The following PRDM2 variants were observed in gnomAD, a reference collection of about 807,000 sequenced individuals.
PRDM2 encodes PR domain zinc finger protein 2.
Under a neutral mutation model 130.0 loss-of-function variants are expected in PRDM2, and 30 were observed. That is an observed-to-expected ratio of 0.23 (90% confidence interval 0.17 to 0.31). The LOEUF is 0.31. Among genes scored for constraint, PRDM2 ranks in the 10% least tolerant of loss-of-function variants. The pLI is 1.00. For missense variants in PRDM2, 2,011 were observed against 2,108.4 expected, an observed-to-expected ratio of 0.95 and a Z score of 0.90; for synonymous variants, 871 against 782.4, an observed-to-expected ratio of 1.11 and a Z score of -1.89.
intron 6 of PRDM2, among the ~76,000 whole-genome samples, chr1:13,755,029 A>AAT (rs1420572416): frequency 6.6e-6 from 1 of 152,088 alleles, no homozygotes; most frequent in Non-Finnish European, 1.5e-5. Flanking sequence ...GTTGCCTGCC[A>AAT]GGATGAACTC....
chr1:13,736,369 G>A (rs944740913), intron 4 of PRDM2, among the ~76,000 whole-genome samples: 15 of 151,980 alleles, frequency 9.9e-5, no homozygotes, highest in Non-Finnish European at 1.9e-4. Context: ...CGATCTGCCC[G>A]TCTCAGCCTT....
chr1:13,823,468 T>A lies in PRDM2; in HGVS notation c.*333T>A, dbSNP rs1645386003. On this transcript the variant is annotated 3_prime_UTR_variant, in exon 10 of 10. Coordinates refer to ENST00000311066, the MANE Select transcript of PRDM2 (RefSeq NM_001393986.1). ...CCTGTTGGGGTGGGGCCTCTCCTAC[T>A]ATGCAATTTTTCAAGAGCTCCTTGA... 1 of 467,074 alleles carries A rather than the reference T, an allele frequency of 2.1e-6. No homozygotes were observed. The highest frequency in any genetic ancestry group is 3.8e-5 in the Admixed American group (1 of 26,072). 28.9% of individuals were successfully genotyped at this position (467,074 alleles called of 1,614,324 possible).
At chr1:13,760,373 G>T (rs1420109183) in intron 6 of PRDM2, among the ~76,000 whole-genome samples, 1 of 151,934 alleles carries the variant, frequency 6.6e-6, no homozygotes, top group East Asian at 1.9e-4. Context: ...TAGTGGGTGG[G>T]AATATACTGC....
intron 8 of PRDM2, chr1:13,786,398 A>G: frequency 1.4e-6 from 2 of 1,388,280 alleles, no homozygotes; most frequent in Non-Finnish European, 2.0e-6. Context: ...TCAGTCATGT[A>G]TGTGTTGTCG....
At chr1:13,762,125 C>T (rs537682621) in intron 6 of PRDM2, among the ~76,000 whole-genome samples, 185 of 152,330 alleles carry the variant, frequency 1.2e-3, no homozygotes, top group Non-Finnish European at 1.6e-3. Context: ...GAGTCTGTGC[C>T]AGGCACTGTG....
intron 8 of PRDM2, among the ~76,000 whole-genome samples, chr1:13,814,360 G>A (rs977389623): frequency 2.0e-5 from 3 of 152,248 alleles, no homozygotes; most frequent in Non-Finnish European, 4.4e-5. Flanking sequence ...TCAAACAGGG[G>A]CAGCCCTGAC....
intron 6 of PRDM2, among the ~76,000 whole-genome samples, chr1:13,765,865 T>C (rs916276775): frequency 4.6e-5 from 7 of 152,214 alleles, no homozygotes; most frequent in Non-Finnish European, 1.0e-4. Context: ...AAAAATTTTA[T>C]AGGAGTCATT....
intron 6 of PRDM2, among the ~76,000 whole-genome samples, chr1:13,752,001 A>G (rs1451449331): frequency 2.6e-5 from 4 of 150,988 alleles, no homozygotes; most frequent in African/African-American, 9.8e-5. Context: ...CATTCATCTA[A>G]TGTTTATTGA....
At chr1:13,751,013 A>G (rs1643818003) in intron 6 of PRDM2, among the ~76,000 whole-genome samples, 1 of 152,140 alleles carries the variant, frequency 6.6e-6, no homozygotes, top group East Asian at 1.9e-4. Flanking sequence ...CCTGTACTTA[A>G]ATAGATTTGT....
At chr1:13,726,945 G>A (rs577699032) in intron 2 of PRDM2, among the ~76,000 whole-genome samples, 1 of 152,086 alleles carries the variant, frequency 6.6e-6, no homozygotes, top group Non-Finnish European at 1.5e-5. Context: ...CGGAGCTTGC[G>A]ATCTGCTCTC....
Position 13,779,986 on chromosome 1 carries a change from A to G in PRDM2, c.2191A>G (p.Ser731Gly). The G allele has an allele frequency of 6.2e-7, 1 of 1,614,192 alleles. No individual in the cohort carries two copies. The highest frequency in any genetic ancestry group is 8.5e-7 in the Non-Finnish European group (1 of 1,180,038). The change falls in exon 8 of 10, where the codon AGT (serine) becomes GGT (glycine). Residue 731 changes from serine (S) to glycine (G), a missense_variant. Around this residue, in one of 5 missense-constraint regions of PRDM2, gnomAD observed 1,288 missense variants for 1,237.7 expected, o/e 1.04. Coordinates refer to ENST00000311066, the MANE Select transcript of PRDM2 (RefSeq NM_001393986.1). This position sits in a 1 kb window ranked among gnomAD's most constrained non-coding sequence, Gnocchi z 4.9. ...TGCATCAATGTTGCCTGTGACCTCA[A>G]GTAGGTTTAAGAGGCGGACCAGCTC... Reference protein sequence around the residue: ...APASMLPVTSSRFKRRTSSPP... With the variant: ...APASMLPVTSGRFKRRTSSPP...
chr1:13,794,249 G>A (rs1644887025), intron 8 of PRDM2, among the ~76,000 whole-genome samples: 1 of 152,140 alleles, frequency 6.6e-6, no homozygotes, highest in South Asian at 2.1e-4. Context: ...AGCCTTTCCT[G>A]ACCATCGATC....
At chr1:13,821,812 C>T (rs1645357174) in intron 9 of PRDM2, among the ~76,000 whole-genome samples, 1 of 152,154 alleles carries the variant, frequency 6.6e-6, no homozygotes, top group African/African-American at 2.4e-5. Context: ...CAGCTCTGGA[C>T]TAAGCACTGT....
chr1:13,762,848 G>A (rs960352969), intron 6 of PRDM2, among the ~76,000 whole-genome samples: 24 of 152,224 alleles, frequency 1.6e-4, no homozygotes, highest in South Asian at 8.3e-4. Flanking sequence ...ATGATGTGTC[G>A]GTCCGTGAGT....
At chr1:13,722,751 G>T (rs1642772394) in intron 2 of PRDM2, 1 of 467,356 alleles carries the variant, frequency 2.1e-6, no homozygotes, top group Admixed American at 2.3e-5. Context: ...GAGCCCTCAG[G>T]TGACTTATTT....
intron 8 of PRDM2, chr1:13,786,414 A>G (rs969922428): frequency 1.2e-5 from 18 of 1,492,924 alleles, no homozygotes; most frequent in Non-Finnish European, 1.7e-5. Flanking sequence ...TGTCGTCTTA[A>G]TAACATTTGT....
At chr1:13,733,719 G>A (rs959278516) in intron 4 of PRDM2, among the ~76,000 whole-genome samples, 3 of 152,172 alleles carry the variant, frequency 2.0e-5, no homozygotes, top group African/African-American at 4.8e-5. Flanking sequence ...GGGGTATTGC[G>A]TAGGAATTCA....
At chr1:13,766,608 C>T (rs572947526) in intron 6 of PRDM2, among the ~76,000 whole-genome samples, 8 of 152,250 alleles carry the variant, frequency 5.3e-5, no homozygotes, top group South Asian at 2.1e-4. Context: ...CCCGTGTCCT[C>T]GATGACCATT....
Position 13,806,977 on chromosome 1 carries a change from C to T in PRDM2, c.5037-9450C>T, listed in dbSNP as rs1353679905. 2.6e-5 allele frequency among the ~76,000 whole-genome samples: 4 copies of T among 152,168 alleles called. No individual in the cohort carries two copies. The highest frequency in any genetic ancestry group is 5.9e-5 in the Non-Finnish European group (4 of 68,030). On this transcript the variant is annotated intron_variant, in intron 8 of 9. Transcript: ENST00000311066. This position sits in a 1 kb window ranked among gnomAD's most constrained non-coding sequence, Gnocchi z 4.1. ...CCCCAGGTCGTAGCCCACACACTGC[C>T]GTTTCCCATGTCACCTTTCCCTGTC...
Sources: allele counts gnomAD v4.1 joint callset (sites outside exome capture counted in the v4.1 genomes callset), GRCh38; gene constraint gnomAD v4.1.1; regional missense constraint gnomAD v4.1.1; non-coding constraint Gnocchi (gnomAD v3.1); transcripts MANE v1.5; gene names NCBI Gene and HGNC (gene_info 2026-07-23, HGNC 2026-07-21).